NALF1: variants seen among roughly 807,000 people sequenced by gnomAD.
NALF1 encodes the protein family with sequence similarity 155 member A.
NALF1 carries 3 observed loss-of-function variants against 48.4 expected under a neutral mutation model. The observed-to-expected ratio is 0.06, with a 90% CI of 0.03 to 0.16. The LOEUF (loss-of-function observed/expected upper bound fraction) is 0.16, where lower values mean the gene tolerates loss of function less well. NALF1 is among the 10% of genes least tolerant of loss of function. NALF1 has a pLI of 1.00. For missense variants in NALF1, 526 were observed against 571.5 expected, an observed-to-expected ratio of 0.92 and a Z score of 0.81; for synonymous variants, 262 against 245.7, an observed-to-expected ratio of 1.07 and a Z score of -0.62.
At chr13:107,720,689 C>G (rs148157526) in intron 1 of NALF1, among the ~76,000 whole-genome samples, 214 of 152,184 alleles carry the variant, frequency 1.4e-3, no homozygotes, top group African/African-American at 4.8e-3. Context: ...AGCTAGGGAA[C>G]CAGATAGAAT....
intron 1 of NALF1, among the ~76,000 whole-genome samples, chr13:107,297,064 G>A (rs1038296157): frequency 5.9e-5 from 9 of 151,606 alleles, no homozygotes; most frequent in East Asian, 1.9e-4. Context: ...TACTGGAGCC[G>A]TGGTAGAAAA....
At chr13:107,558,132 A>G (rs765162499) in intron 1 of NALF1, among the ~76,000 whole-genome samples, 1 of 152,150 alleles carries the variant, frequency 6.6e-6, no homozygotes, top group Admixed American at 6.5e-5. Context: ...AAGAAAAAAA[A>G]AAAAATTCAA....
At chr13:107,546,631 C>CTCTCTCTCCCGCCCTCTCTCTCTG (rs376907867) in intron 1 of NALF1, among the ~76,000 whole-genome samples, 12 of 152,192 alleles carry the variant, frequency 7.9e-5, no homozygotes, top group South Asian at 2.1e-4. Flanking sequence ...TGTGGTTTCT[C>CTCTCTCTCCCGCCCTCTCTCTCTG]TCTCTCTCCC....
intron 1 of NALF1, among the ~76,000 whole-genome samples, chr13:107,740,322 A>C (rs1378123438): frequency 6.6e-6 from 1 of 152,188 alleles, no homozygotes; most frequent in East Asian, 1.9e-4. Context: ...AACAGAAACA[A>C]AACCATAGAA....
intron 1 of NALF1, among the ~76,000 whole-genome samples, chr13:107,380,891 T>C (rs1398038652): frequency 6.9e-6 from 1 of 145,170 alleles, no homozygotes; most frequent in Non-Finnish European, 1.5e-5. Flanking sequence ...GGCAGGAGAA[T>C]GGCATGAACC....
intron 2 of NALF1, among the ~76,000 whole-genome samples, chr13:107,208,021 T>C (rs1879680164): frequency 6.6e-6 from 1 of 152,152 alleles, no homozygotes; most frequent in South Asian, 2.1e-4. Flanking sequence ...GTTATCAACA[T>C]GAATGAGAAT....
chr13:107,771,800 G>A (rs1221780636), intron 1 of NALF1, among the ~76,000 whole-genome samples: 8 of 151,992 alleles, frequency 5.3e-5, no homozygotes, highest in East Asian at 1.9e-4. Flanking sequence ...GCAGTGGCGC[G>A]ATCTCGGCTC....
intron 1 of NALF1, among the ~76,000 whole-genome samples, chr13:107,440,052 A>G (rs377385938): frequency 6.6e-6 from 1 of 152,212 alleles, no homozygotes; most frequent in African/African-American, 2.4e-5. Context: ...TGTCCATTAT[A>G]ACTGCAGTTC....
chr13:107,617,003 A>C (rs1167142194), intron 1 of NALF1, among the ~76,000 whole-genome samples: 1 of 152,244 alleles, frequency 6.6e-6, no homozygotes, highest in African/African-American at 2.4e-5. Flanking sequence ...TTTCAATACA[A>C]AAATGCCATG....
At chr13:107,176,320 T>TAG (rs1385521392) in intron 2 of NALF1, among the ~76,000 whole-genome samples, 15,162 of 142,200 alleles carry the variant, frequency 0.11, 859 homozygotes, top group East Asian at 0.17. Context: ...CTCACAGTTT[T>TAG]TTTTTTTTTT....
chr13:107,702,114 T>C (rs1004649660), intron 1 of NALF1, among the ~76,000 whole-genome samples: 1 of 152,220 alleles, frequency 6.6e-6, no homozygotes, highest in Admixed American at 6.5e-5. Context: ...TATACATATA[T>C]GGAATTGTTG....
chr13:107,828,602 TCTATAC>T (rs1225514446), intron 1 of NALF1, among the ~76,000 whole-genome samples: 17 of 43,324 alleles, frequency 3.9e-4, no homozygotes, highest in South Asian at 2.6e-3. Flanking sequence ...TATATCTATA[TCTATAC>T]ACACACACAC....
At chr13:107,813,099 T>C (rs1879048437) in intron 1 of NALF1, among the ~76,000 whole-genome samples, 1 of 152,160 alleles carries the variant, frequency 6.6e-6, no homozygotes, top group African/African-American at 2.4e-5. Flanking sequence ...TCTTTTGCCC[T>C]TATTGCAAGA....
At chr13:107,643,169 T>C (rs1031186422) in intron 1 of NALF1, among the ~76,000 whole-genome samples, 1 of 152,154 alleles carries the variant, frequency 6.6e-6, no homozygotes, top group African/African-American at 2.4e-5. Context: ...CTTCACTTAA[T>C]TCCCAAGAAG....
At position 107,836,238 on chromosome 13, in the gene NALF1, C is replaced by A. The variant is rs531887435; in HGVS notation, c.915+29444G>T. Among the ~76,000 whole-genome samples, 22 of 152,194 alleles carry A rather than the reference C, an allele frequency of 1.4e-4. No homozygotes were observed. In the East Asian group the frequency reaches 4.3e-3, roughly 29 times the overall value. On this transcript the variant is annotated intron_variant, in intron 1 of 2. Coordinates refer to ENST00000375915, the MANE Select transcript of NALF1 (RefSeq NM_001080396.3). ...ACTCCTGGACTCAAGCAATCTGCCC[C>A]CCTTGGCATCCTAAAGTTCTGAGAT...
intron 1 of NALF1, among the ~76,000 whole-genome samples, chr13:107,471,860 A>C (rs934249834): frequency 2.6e-5 from 4 of 152,116 alleles, no homozygotes; most frequent in African/African-American, 4.8e-5. Context: ...CCAATGTATT[A>C]TTTTCTTTGA....
chr13:107,576,906 G>C (rs1487329635), intron 1 of NALF1, among the ~76,000 whole-genome samples: 1 of 152,112 alleles, frequency 6.6e-6, no homozygotes, highest in Non-Finnish European at 1.5e-5. Flanking sequence ...CCTTCTCATG[G>C]GAGTGAGAAA....
chr13:107,576,230 A>G (rs1351172746), intron 1 of NALF1, among the ~76,000 whole-genome samples: 1 of 152,212 alleles, frequency 6.6e-6, no homozygotes, highest in Non-Finnish European at 1.5e-5. Flanking sequence ...ATTGCAGATA[A>G]TGATTGGCTC....
intron 1 of NALF1, among the ~76,000 whole-genome samples, chr13:107,363,710 T>C (rs1388087074): frequency 6.6e-6 from 1 of 152,204 alleles, no homozygotes; most frequent in Non-Finnish European, 1.5e-5. Flanking sequence ...TAAGACAAAT[T>C]TTTGTCTATT....
Sources: allele counts gnomAD v4.1 joint callset (sites outside exome capture counted in the v4.1 genomes callset), GRCh38; gene constraint gnomAD v4.1.1; transcripts MANE v1.5; gene names NCBI Gene and HGNC (gene_info 2026-07-23, HGNC 2026-07-21).